The following SGCZ variants were observed in gnomAD, a reference collection of about 807,000 sequenced individuals.
SGCZ encodes the protein zeta-sarcoglycan.
SGCZ carries 40 observed loss-of-function variants against 41.3 expected under a neutral mutation model. That is an observed-to-expected ratio of 0.97 (90% confidence interval 0.75 to 1.26). The LOEUF (loss-of-function observed/expected upper bound fraction) is 1.26, where lower values mean the gene tolerates loss of function less well. Ranked by LOEUF, SGCZ falls within the 50% of genes most tolerant of loss-of-function variation. SGCZ has a pLI of 0.00. For missense variants in SGCZ, 552 were observed against 369.8 expected (o/e 1.49, Z -4.04); for synonymous variants, 206 against 137.5 (o/e 1.50, Z -3.49).
rs542517302 is a variant in SGCZ, at chr8:14,604,394, G to C, written c.40-49468C>G. ...TGATGTCTGCCATGGGCATATAGGA[G>C]AATGGGGTGACAATCTATAAGCCAT... On this transcript the variant is annotated intron_variant, in intron 1 of 7. Coordinates refer to ENST00000382080, the MANE Select transcript of SGCZ (RefSeq NM_139167.4). Among the ~76,000 whole-genome samples the C allele has an allele frequency of 1.6e-4, 25 of 151,920 alleles. No homozygotes were observed. In the East Asian group the frequency reaches 1.9e-3, roughly 12 times the overall value.
At chr8:14,104,261 T>C (rs1802132275) in intron 6 of SGCZ, among the ~76,000 whole-genome samples, 2 of 152,166 alleles carry the variant, frequency 1.3e-5, no homozygotes, top group African/African-American at 4.8e-5. Flanking sequence ...ACAGCAAATA[T>C]AGCAGTAAGT....
At chr8:14,289,034 T>G (rs953158849) in intron 3 of SGCZ, among the ~76,000 whole-genome samples, 11 of 152,176 alleles carry the variant, frequency 7.2e-5, no homozygotes, top group Non-Finnish European at 1.3e-4. Context: ...GCTAACAATA[T>G]TGAACATCTG....
At chr8:14,667,479 T>G (rs1395398770) in intron 1 of SGCZ, among the ~76,000 whole-genome samples, 1 of 152,192 alleles carries the variant, frequency 6.6e-6, no homozygotes, top group African/African-American at 2.4e-5. Flanking sequence ...CACACCAAAT[T>G]AACTTCCAGA....
chr8:14,168,647 T>C lies in SGCZ; in HGVS notation c.425-3945A>G, dbSNP rs570184762. Among the ~76,000 whole-genome samples the C allele has an allele frequency of 9.2e-5, 14 of 152,264 alleles. No individual in the cohort carries two copies. The South Asian group carries it at 2.9e-3, about 32-fold the overall frequency. ...TGGAACTGTGAGTCCATAAACCGCTTTTTCTTTATAAATTAGGCAGTCTCA... is the reference window on the plus strand; with the variant it reads ...TGGAACTGTGAGTCCATAAACCGCTCTTTCTTTATAAATTAGGCAGTCTCA... On this transcript the variant is annotated intron_variant, in intron 4 of 7. Coordinates refer to ENST00000382080, the MANE Select transcript of SGCZ (RefSeq NM_139167.4).
intron 1 of SGCZ, among the ~76,000 whole-genome samples, chr8:14,831,631 T>A (rs1802531007): frequency 1.3e-5 from 1 of 77,050 alleles, no homozygotes. Context: ...CATAGACACA[T>A]ATGTGTGTGT....
chr8:14,758,537 C>T (rs1043080062), intron 1 of SGCZ, among the ~76,000 whole-genome samples: 1 of 152,064 alleles, frequency 6.6e-6, no homozygotes, highest in Non-Finnish European at 1.5e-5. Flanking sequence ...ATCTGGGACA[C>T]CGATCAAAGT....
rs1554455105 is a variant in SGCZ, at chr8:15,097,735, A to AATAT, written c.39+139846_39+139849dup. On this transcript the variant is annotated intron_variant, in intron 1 of 7. Coordinates refer to ENST00000382080, the MANE Select transcript of SGCZ (RefSeq NM_139167.4). ...CAGAGTGAGAGCTTATAAAAAAAAA[A>AATAT]ATATATATATATATACACGTATATA... Among the ~76,000 whole-genome samples the AATAT allele has an allele frequency of 6.7e-5, 9 of 133,356 alleles. 1 individual carries two copies. The highest frequency in any genetic ancestry group is 2.2e-4 in the East Asian group (1 of 4,504). 87.5% of individuals were successfully genotyped at this position (133,356 alleles called of 152,430 possible).
intron 2 of SGCZ, among the ~76,000 whole-genome samples, chr8:14,420,157 T>A (rs938776802): frequency 8.5e-5 from 13 of 152,048 alleles, no homozygotes; most frequent in African/African-American, 2.7e-4. Flanking sequence ...CCTATAATAA[T>A]TCTATCTGTT....
intron 1 of SGCZ, among the ~76,000 whole-genome samples, chr8:14,849,662 G>C (rs749935549): frequency 1.3e-5 from 2 of 152,074 alleles, no homozygotes; most frequent in Non-Finnish European, 2.9e-5. Flanking sequence ...CAGGCAGAGT[G>C]GTTCTGAGGA....
At chr8:14,469,046 G>T (rs1801134200) in intron 2 of SGCZ, among the ~76,000 whole-genome samples, 2 of 141,586 alleles carry the variant, frequency 1.4e-5, no homozygotes, top group Non-Finnish European at 2.9e-5. Context: ...TTTCTAATTA[G>T]TTCTCCATGC....
At chr8:14,955,844 T>C (rs1484381191) in intron 1 of SGCZ, among the ~76,000 whole-genome samples, 2 of 152,182 alleles carry the variant, frequency 1.3e-5, no homozygotes, top group Non-Finnish European at 2.9e-5. Flanking sequence ...TTCTACTTTA[T>C]GAGTTGTCTT....
chr8:15,233,329 C>CA (rs967747755), intron 1 of SGCZ, among the ~76,000 whole-genome samples: 2,890 of 65,622 alleles, frequency 0.044, 48 homozygotes, highest in Middle Eastern at 0.093. Flanking sequence ...TTAAACAAAC[C>CA]AAAAAAAAAA....
At chr8:14,172,769 T>C (rs186152979) in intron 4 of SGCZ, among the ~76,000 whole-genome samples, 1 of 152,056 alleles carries the variant, frequency 6.6e-6, no homozygotes, top group South Asian at 2.1e-4. Context: ...GAAATTGATA[T>C]GGACAGAATT....
At chr8:14,211,090 A>G (rs1805789563) in intron 4 of SGCZ, among the ~76,000 whole-genome samples, 1 of 152,162 alleles carries the variant, frequency 6.6e-6, no homozygotes. Context: ...CTCTAAATCC[A>G]TGATTTTGCC....
At chr8:14,508,336 T>C (rs1384906455) in intron 2 of SGCZ, among the ~76,000 whole-genome samples, 3 of 152,114 alleles carry the variant, frequency 2.0e-5, no homozygotes, top group Non-Finnish European at 4.4e-5. Context: ...ATGAGTAAAA[T>C]AGAAAACCCC....
At chr8:15,174,195 A>G (rs1042471176) in intron 1 of SGCZ, among the ~76,000 whole-genome samples, 1 of 152,216 alleles carries the variant, frequency 6.6e-6, no homozygotes, top group African/African-American at 2.4e-5. Context: ...AAGGATTTAA[A>G]TAGGACTAGC....
chr8:15,148,816 T>G (rs1457219), intron 1 of SGCZ, among the ~76,000 whole-genome samples: 11,390 of 152,180 alleles, frequency 0.075, 451 homozygotes, highest in Non-Finnish European at 0.08. Flanking sequence ...TCCAACATAT[T>G]AACTGCCAGG....
At chr8:14,376,049 C>T (rs956947765) in intron 2 of SGCZ, among the ~76,000 whole-genome samples, 2 of 152,200 alleles carry the variant, frequency 1.3e-5, no homozygotes, top group Non-Finnish European at 2.9e-5. Flanking sequence ...CGAGGTGGCT[C>T]ATGCCGGTAA....
In SGCZ at chr8:14,520,399, A is replaced by G. The variant is rs116370483; in HGVS notation, c.234+34333T>C. Among the ~76,000 whole-genome samples, 1,081 of 152,234 alleles carry G rather than the reference A, an allele frequency of 7.1e-3. 13 individuals carry two copies. The highest frequency in any genetic ancestry group is 0.025 in the African/African-American group (1,047 of 41,562). On this transcript the variant is annotated intron_variant, in intron 2 of 7. Transcript: ENST00000382080. ...ACTTGGGCATGTTATAATCTGTGGC[A>G]ACTGAAACAGTTAATAACATTAAAA...
Sources: allele counts gnomAD v4.1 joint callset (sites outside exome capture counted in the v4.1 genomes callset), GRCh38; gene constraint gnomAD v4.1.1; transcripts MANE v1.5; gene names NCBI Gene and HGNC (gene_info 2026-07-23, HGNC 2026-07-21).